The following PAN3 variants were observed in gnomAD, a reference collection of about 807,000 sequenced individuals.
The protein encoded by PAN3 is poly(A) specific ribonuclease subunit PAN3.
In PAN3, 19 loss-of-function variants were observed where a neutral mutation model predicts 96.2. The observed-to-expected ratio is 0.20, with a 90% CI of 0.14 to 0.29. The LOEUF (loss-of-function observed/expected upper bound fraction) is 0.29. Among genes scored for constraint, PAN3 ranks in the 10% least tolerant of loss-of-function variants. PAN3 has a pLI of 1.00. For missense variants in PAN3, 882 were observed against 1,108.1 expected (o/e 0.80, Z 2.90); for synonymous variants, 433 against 406.6 (o/e 1.06, Z -0.78).
intron 7 of PAN3, among the ~76,000 whole-genome samples, chr13:28,258,636 C>T (rs1885416422): frequency 6.6e-6 from 1 of 152,202 alleles, no homozygotes; most frequent in South Asian, 2.1e-4. Context: ...GGCAATATCA[C>T]TTCCTTATCT....
chr13:28,268,976 T>C (rs559538088), intron 12 of PAN3, among the ~76,000 whole-genome samples: 11 of 152,228 alleles, frequency 7.2e-5, no homozygotes, highest in Non-Finnish European at 1.3e-4. Flanking sequence ...ACTATTCTTA[T>C]AGATGACTAT....
intron 16 of PAN3, 60 bp from the exon 17 acceptor site, chr13:28,281,255 G>T: frequency 7.4e-7 from 1 of 1,356,438 alleles, no homozygotes; most frequent in Non-Finnish European, 1.0e-6. Context: ...TGTAAATTTT[G>T]GCTTTTATGT....
At chr13:28,220,781 A>T (rs1026738135) in intron 6 of PAN3, among the ~76,000 whole-genome samples, 1 of 152,136 alleles carries the variant, frequency 6.6e-6, no homozygotes, top group African/African-American at 2.4e-5. Flanking sequence ...CTAAAAAATA[A>T]TTTAATCATT....
intron 3 of PAN3, 106 bp downstream of exon 3, chr13:28,176,665 A>G (rs1230863893): frequency 1.4e-5 from 15 of 1,106,472 alleles, no homozygotes; most frequent in East Asian, 2.4e-5. Context: ...ACGGGCATAA[A>G]GAAGAAAATA....
intron 1 of PAN3, among the ~76,000 whole-genome samples, chr13:28,144,608 C>T (rs1870359843): frequency 6.6e-6 from 1 of 151,646 alleles, no homozygotes; most frequent in Non-Finnish European, 1.5e-5. Context: ...TGTAAAAGTG[C>T]ATTTGATGAG....
chr13:28,241,578 T>A (rs1202309489), intron 6 of PAN3, among the ~76,000 whole-genome samples: 1 of 152,134 alleles, frequency 6.6e-6, no homozygotes, highest in Non-Finnish European at 1.5e-5. Flanking sequence ...AACTCAACTT[T>A]GGATAGTTTA....
At chr13:28,242,838 CT>C (rs1260518444) in intron 6 of PAN3, among the ~76,000 whole-genome samples, 1 of 152,138 alleles carries the variant, frequency 6.6e-6, no homozygotes, top group Non-Finnish European at 1.5e-5. Context: ...TCTTTAATGT[CT>C]TTCCACAAAG....
chr13:28,217,855 CT>C (rs897463267), intron 5 of PAN3, among the ~76,000 whole-genome samples: 9 of 150,308 alleles, frequency 6.0e-5, no homozygotes, highest in Non-Finnish European at 1.3e-4. Context: ...TTTTTTATTT[CT>C]ATTTTTCTTA....
At chr13:28,145,842 C>T (rs1468214722) in intron 1 of PAN3, among the ~76,000 whole-genome samples, 1 of 151,426 alleles carries the variant, frequency 6.6e-6, no homozygotes, top group African/African-American at 2.4e-5. Flanking sequence ...ACACTGCAGC[C>T]TCCACCTCCC....
intron 6 of PAN3, among the ~76,000 whole-genome samples, chr13:28,234,020 T>C (rs751263605): frequency 1.3e-5 from 2 of 152,230 alleles, no homozygotes; most frequent in Non-Finnish European, 2.9e-5. Flanking sequence ...CATTTTTCTT[T>C]TCTTTCAGTT....
chr13:28,190,657 G>A (rs963041836), intron 4 of PAN3, among the ~76,000 whole-genome samples: 3 of 152,168 alleles, frequency 2.0e-5, no homozygotes. Context: ...AAAGGTAAGA[G>A]GTTTAATTGA....
Position 28,220,298 on chromosome 13 carries a change from C to G in PAN3, c.920C>G (p.Ser307Cys), listed in dbSNP as rs753512784. ...GGSTSRLSNV[S>C]QSNMSAFSQV... is the part of the protein sequence containing the mutation. Reference sequence around the variant, plus strand: ...TCAACCTCCAGGCTGAGTAACGTGTCCCAGTCAAATATGTCTGCCTTCTCT... The same window carrying G: ...TCAACCTCCAGGCTGAGTAACGTGTGCCAGTCAAATATGTCTGCCTTCTCT... The change falls in exon 6 of 19, where the codon TCC (serine) becomes TGC (cysteine). Residue 307 changes from serine (S) to cysteine (C), a missense_variant. Physicochemically the swap from Ser to Cys is moderately radical, Grantham distance 112 (BLOSUM62 -1). Transcript: ENST00000380958. The G allele has an allele frequency of 1.2e-6, 2 of 1,613,708 alleles. No individual in the cohort carries two copies. Among genetic ancestry groups the G allele is most frequent in the East Asian group, 2.2e-5 (1 of 44,880 alleles).
chr13:28,138,587 C>A lies in PAN3; in HGVS notation c.-71C>A, dbSNP rs1227405960. ...TCCGGCACCGGCAGCGTCTTCCTTT[C>A]CTCCCCCGTCTATGGTGGTGGCGGC... On this transcript the variant is annotated 5_prime_UTR_variant, in exon 1 of 19. Coordinates refer to ENST00000380958, the MANE Select transcript of PAN3 (RefSeq NM_175854.8). The A allele has an allele frequency of 2.6e-6, 1 of 385,912 alleles. No individual in the cohort carries two copies. Among genetic ancestry groups the A allele is most frequent in the Non-Finnish European group, 4.4e-6 (1 of 225,740 alleles). 23.9% of individuals were successfully genotyped at this position (385,912 alleles called of 1,614,324 possible).
intron 17 of PAN3, among the ~76,000 whole-genome samples, chr13:28,284,675 C>T (rs17086476): frequency 0.019 from 2,960 of 152,214 alleles, 107 homozygotes; most frequent in African/African-American, 0.067. Context: ...ATTGAATAGT[C>T]GAACAATCTA....
At chr13:28,202,701 A>G (rs1878885394) in intron 5 of PAN3, among the ~76,000 whole-genome samples, 1 of 151,904 alleles carries the variant, frequency 6.6e-6, no homozygotes, top group Non-Finnish European at 1.5e-5. Flanking sequence ...TTACTTTACT[A>G]TTCCTAGTGT....
intron 1 of PAN3, among the ~76,000 whole-genome samples, chr13:28,144,678 A>G (rs1870372731): frequency 6.6e-6 from 1 of 151,802 alleles, no homozygotes; most frequent in African/African-American, 2.4e-5. Context: ...ATGACCCTTT[A>G]AGAAGATAAA....
intron 1 of PAN3, among the ~76,000 whole-genome samples, chr13:28,148,706 C>A (rs985265293): frequency 9.9e-5 from 15 of 152,136 alleles, no homozygotes; most frequent in African/African-American, 3.4e-4. Context: ...TTCTCTATGT[C>A]TAACACATTA....
chr13:28,227,922 T>G (rs1882172283), intron 6 of PAN3, among the ~76,000 whole-genome samples: 1 of 152,200 alleles, frequency 6.6e-6, no homozygotes, highest in African/African-American at 2.4e-5. Context: ...GTATTTGTTC[T>G]GGATGAACTG....
intron 4 of PAN3, among the ~76,000 whole-genome samples, chr13:28,191,083 A>C (rs573371508): frequency 6.6e-6 from 1 of 152,262 alleles, no homozygotes; most frequent in South Asian, 2.1e-4. Context: ...CTAGGTAAGG[A>C]TTTCTAGAAG....
Sources: gnomAD v4.1 joint callset for allele counts (sites outside exome capture counted in the v4.1 genomes callset) on GRCh38, gnomAD v4.1.1 for gene constraint, MANE v1.5 for transcripts, NCBI Gene and HGNC (gene_info 2026-07-23, HGNC 2026-07-21) for gene names.